The following DAB1 variants were observed in gnomAD, a reference collection of about 807,000 sequenced individuals.
DAB1 encodes the protein DAB adaptor protein 1, also known as disabled homolog 1.
DAB1 carries 15 observed loss-of-function variants against 64.6 expected under a neutral mutation model. The ratio of observed to expected loss-of-function variants is 0.23; its 90% CI spans 0.16 to 0.36. The LOEUF (loss-of-function observed/expected upper bound fraction) is 0.36. Among genes scored for constraint, DAB1 ranks in the 10% least tolerant of loss-of-function variants. The pLI is 1.00. For synonymous variants in DAB1, 235 were observed against 251.9 expected (o/e 0.93, Z 0.64); for missense variants, 596 against 706.7 (o/e 0.84, Z 1.78).
intron 3 of DAB1, among the ~76,000 whole-genome samples, chr1:58,500,366 C>T (rs1054166593): frequency 4.6e-5 from 7 of 152,076 alleles, no homozygotes; most frequent in Admixed American, 1.3e-4. Context: ...TGGCCAACAA[C>T]GACATTTCAC....
At chr1:58,134,802 C>A (rs1570401080) in intron 5 of DAB1, among the ~76,000 whole-genome samples, 1 of 152,170 alleles carries the variant, frequency 6.6e-6, no homozygotes, top group Admixed American at 6.5e-5. Flanking sequence ...ACCTCCAACA[C>A]TGGGGATTAC....
intron 6 of DAB1, among the ~76,000 whole-genome samples, chr1:57,802,934 C>T (rs1318665202): frequency 6.6e-6 from 1 of 152,152 alleles, no homozygotes; most frequent in Non-Finnish European, 1.5e-5. Context: ...CCTGGCCTTT[C>T]TAGGTCTACT....
intron 5 of DAB1, among the ~76,000 whole-genome samples, chr1:58,100,491 T>C (rs113136130): frequency 6.6e-6 from 1 of 152,212 alleles, no homozygotes; most frequent in African/African-American, 2.4e-5. Flanking sequence ...ATATTTCAGC[T>C]TTTAGACTAT....
At chr1:57,607,554 G>C (rs530570171) in intron 7 of DAB1, among the ~76,000 whole-genome samples, 1 of 152,180 alleles carries the variant, frequency 6.6e-6, no homozygotes, top group African/African-American at 2.4e-5. Flanking sequence ...ACAAAAGCCT[G>C]TGCCCTATGT....
chr1:57,083,667 G>T (rs1652779477), intron 4 of DAB1, among the ~76,000 whole-genome samples: 1 of 152,222 alleles, frequency 6.6e-6, no homozygotes, highest in Admixed American at 6.5e-5. Context: ...CTAAAATGCA[G>T]CCAATGGAAA....
At chr1:58,106,081 TTTCCTTCC>T (rs3053675) in intron 5 of DAB1, among the ~76,000 whole-genome samples, 39,039 of 150,656 alleles carry the variant, frequency 0.26, 6,040 homozygotes, top group East Asian at 0.49. Flanking sequence ...TGTTTTTTGT[TTTCCTTCC>T]TTCCTTCCTT....
At chr1:57,431,143 CAAAAAAA>C (rs77701798) in intron 7 of DAB1, among the ~76,000 whole-genome samples, 1 of 96,410 alleles carries the variant, frequency 1.0e-5, no homozygotes, top group East Asian at 3.4e-4. Context: ...AGGCCAAAAA[CAAAAAAA>C]AAAAAAAGAA....
intron 4 of DAB1, among the ~76,000 whole-genome samples, chr1:58,196,710 A>C (rs1350278359): frequency 1.3e-5 from 2 of 152,092 alleles, no homozygotes; most frequent in Non-Finnish European, 2.9e-5. Context: ...CCCAGGGAAA[A>C]CTGCCACTTA....
chr1:57,965,654 G>A (rs1459146379), intron 5 of DAB1, among the ~76,000 whole-genome samples: 1 of 152,118 alleles, frequency 6.6e-6, no homozygotes, highest in African/African-American at 2.4e-5. Flanking sequence ...CAGTTTGGAA[G>A]CCCCTTCATC....
chr1:57,848,618 T>G (rs1426552085), intron 1 of DAB1, among the ~76,000 whole-genome samples: 1 of 152,170 alleles, frequency 6.6e-6, no homozygotes, highest in Non-Finnish European at 1.5e-5. Context: ...TTATATCACA[T>G]GAGTTACCAA....
chr1:57,131,132 A>G (rs148464412), intron 4 of DAB1, among the ~76,000 whole-genome samples: 1 of 152,346 alleles, frequency 6.6e-6, no homozygotes, highest in East Asian at 1.9e-4. Flanking sequence ...TTAGAGACAC[A>G]GAACCAGTCA....
chr1:58,426,168 A>C (rs868423303), intron 3 of DAB1, among the ~76,000 whole-genome samples: 41 of 152,160 alleles, frequency 2.7e-4, no homozygotes, highest in African/African-American at 9.2e-4. Context: ...TGAGGCCTAG[A>C]AAAGTTAAGT....
intron 4 of DAB1, among the ~76,000 whole-genome samples, chr1:58,281,484 T>C (rs531170806): frequency 2.0e-5 from 3 of 152,104 alleles, no homozygotes; most frequent in Admixed American, 2.0e-4. Flanking sequence ...TCACCTCTCA[T>C]CTGAATACAT....
intron 7 of DAB1, among the ~76,000 whole-genome samples, chr1:57,593,728 T>A (rs912649747): frequency 1.3e-5 from 2 of 152,060 alleles, no homozygotes; most frequent in Admixed American, 6.6e-5. Flanking sequence ...ATCAGGATTT[T>A]AAAAAAAGGG....
intron 5 of DAB1, among the ~76,000 whole-genome samples, chr1:58,102,962 CT>C (rs1651411120): frequency 6.6e-6 from 1 of 152,112 alleles, no homozygotes; most frequent in Non-Finnish European, 1.5e-5. Context: ...AGAGGCTCTA[CT>C]GCCATTTGAG....
At chr1:57,258,383 C>A (rs1204241205) in intron 2 of DAB1, among the ~76,000 whole-genome samples, 1 of 152,082 alleles carries the variant, frequency 6.6e-6, no homozygotes, top group African/African-American at 2.4e-5. Context: ...CAATCATCAT[C>A]CTCCCTGGGA....
Position 57,688,594 on chromosome 1 carries a change from T to A in DAB1, n.552-38929A>T, listed in dbSNP as rs150074524. Among the ~76,000 whole-genome samples the A allele has an allele frequency of 3.9e-5, 6 of 152,122 alleles. No individual in the cohort carries two copies. In the South Asian group the frequency reaches 1.2e-3, roughly 31 times the overall value. On this transcript the variant is annotated intron_variant and non_coding_transcript_variant, in intron 6 of 20. Coordinates refer to the DAB1 transcript ENST00000485760. Reference sequence around the variant, plus strand: ...GTACCCAAAGGAAAATAGATCATTATACCAAAAAGACACATATACTTATAT... The same window carrying A: ...GTACCCAAAGGAAAATAGATCATTAAACCAAAAAGACACATATACTTATAT...
chr1:58,190,599 G>A (rs1032062006), intron 4 of DAB1, among the ~76,000 whole-genome samples: 1 of 152,036 alleles, frequency 6.6e-6, no homozygotes, highest in Non-Finnish European at 1.5e-5. Flanking sequence ...TCTTTGCTGG[G>A]AAAATATCAG....
intron 6 of DAB1, among the ~76,000 whole-genome samples, chr1:57,683,592 T>C (rs1570734515): frequency 6.6e-6 from 1 of 152,214 alleles, no homozygotes; most frequent in African/African-American, 2.4e-5. Context: ...TACAGAGCCT[T>C]TGCCCTCTAA....
Sources: gnomAD v4.1 joint callset for allele counts (sites outside exome capture counted in the v4.1 genomes callset) on GRCh38, gnomAD v4.1.1 for gene constraint, MANE v1.5 for transcripts, NCBI Gene and HGNC (gene_info 2026-07-23, HGNC 2026-07-21) for gene names.